Variants in WDR1 observed in about 807,000 individuals in gnomAD.
WDR1 encodes WD repeat domain 1.
Under a neutral mutation model 71.9 loss-of-function variants are expected in WDR1, and 21 were observed. That is an observed-to-expected ratio of 0.29 (90% CI 0.21 to 0.42). The LOEUF (loss-of-function observed/expected upper bound fraction) is 0.42, where lower values mean the gene tolerates loss of function less well. WDR1 is among the 10% of genes least tolerant of loss of function. The probability of loss-of-function intolerance (pLI) is 1.00; values close to 1 mark genes in which losing one functional copy is unlikely to be tolerated. For synonymous variants in WDR1, 424 were observed against 347.4 expected (o/e 1.22, Z -2.45); for missense variants, 696 against 824.5 (o/e 0.84, Z 1.91).
intron 1 of WDR1, 69 bp from the exon 2 acceptor site, chr4:10,116,303 G>T (rs1713723054): frequency 6.2e-7 from 1 of 1,604,964 alleles, no homozygotes; most frequent in East Asian, 2.2e-5. Context: ...AAGGGAGAAG[G>T]AGCCCCGGAC....
At chr4:10,115,626 G>C (rs1046258117) in intron 2 of WDR1, 4 of 153,064 alleles carry the variant, frequency 2.6e-5, no homozygotes, top group African/African-American at 9.6e-5. Context: ...TGCCCAGCCA[G>C]CAGGCGAAGC....
intron 4 of WDR1, 108 bp downstream of exon 4, chr4:10,098,884 C>T (rs905618086): frequency 1.9e-5 from 29 of 1,509,188 alleles, no homozygotes; most frequent in African/African-American, 5.5e-5. Flanking sequence ...TCAACCCTCA[C>T]GAGTGCAAGT....
chr4:10,098,008 C>T, intron 4 of WDR1, 117 bp from the exon 5 acceptor site: 1 of 1,082,076 alleles, frequency 9.2e-7, no homozygotes, highest in East Asian at 2.7e-5. Context: ...TGACTGTCAG[C>T]AGGCAGCTCA....
chr4:10,087,045 T>C (rs988749431), intron 8 of WDR1, among the ~76,000 whole-genome samples: 15 of 152,150 alleles, frequency 9.9e-5, no homozygotes, highest in East Asian at 3.9e-4. Flanking sequence ...CAGGGAGCCT[T>C]TGGCTCAAGT....
chr4:10,100,637 G>C (rs913023480), intron 3 of WDR1, among the ~76,000 whole-genome samples: 1 of 152,198 alleles, frequency 6.6e-6, no homozygotes, highest in Non-Finnish European at 1.5e-5. Context: ...CACTAACTAA[G>C]GGGAGTCCCA....
At chr4:10,084,947 G>A (rs1268434248) in intron 8 of WDR1, among the ~76,000 whole-genome samples, 1 of 152,232 alleles carries the variant, frequency 6.6e-6, no homozygotes, top group African/African-American at 2.4e-5. Flanking sequence ...ATTCGCTTCA[G>A]GCCCTGGTTT....
chr4:10,079,258 G>C (rs1764920844), intron 11 of WDR1, among the ~76,000 whole-genome samples: 1 of 152,212 alleles, frequency 6.6e-6, no homozygotes, highest in Non-Finnish European at 1.5e-5. Flanking sequence ...TTACTTCCAA[G>C]GCAGTCACCA....
At position 10,092,920 on chromosome 4, in the gene WDR1, G is replaced by A. The variant is rs977368442; in HGVS notation, c.559-4179C>T. 3.2e-5 allele frequency: 17 copies of A among 536,762 alleles called. 1 individual carries two copies. The highest frequency in any genetic ancestry group is 2.1e-4 in the East Asian group (3 of 14,460). The allele number at this position is 536,762 out of a possible 1,614,324, so 33.2% of individuals were successfully genotyped here. On this transcript the variant is annotated intron_variant, in intron 5 of 14. Transcript: ENST00000499869. ...GCCTCATCCCTGGTGGACAACTGAC[G>A]GTGTCCGGTCCACACTCCTGCCTGT...
At chr4:10,113,437 T>C (rs1409136153) in intron 2 of WDR1, among the ~76,000 whole-genome samples, 1 of 152,106 alleles carries the variant, frequency 6.6e-6, no homozygotes, top group Non-Finnish European at 1.5e-5. Flanking sequence ...GCAAAGGCAA[T>C]AACTAGCAGG....
intron 2 of WDR1, among the ~76,000 whole-genome samples, chr4:10,104,341 C>G (rs918061899): frequency 6.6e-6 from 1 of 152,152 alleles, no homozygotes; most frequent in Non-Finnish European, 1.5e-5. Flanking sequence ...CTAATCCCTC[C>G]CATTTGTGGG....
intron 2 of WDR1, among the ~76,000 whole-genome samples, chr4:10,107,164 G>A (rs540205306): frequency 3.2e-4 from 48 of 152,232 alleles, no homozygotes; most frequent in African/African-American, 9.6e-4. Context: ...AGACCACCAT[G>A]AGCAGCCTTG....
chr4:10,104,196 C>T (rs867933629), intron 2 of WDR1, among the ~76,000 whole-genome samples: 2 of 152,194 alleles, frequency 1.3e-5, no homozygotes, highest in African/African-American at 4.8e-5. Flanking sequence ...TACTTTAATT[C>T]GTTCTCCTTA....
intron 9 of WDR1, among the ~76,000 whole-genome samples, chr4:10,084,127 A>C (rs1560530869): frequency 6.6e-6 from 1 of 152,226 alleles, no homozygotes; most frequent in Non-Finnish European, 1.5e-5. Flanking sequence ...CCATTGGCAG[A>C]GGTAGTGGCA....
chr4:10,078,571 C>T (rs1764886749), intron 12 of WDR1: 1 of 252,718 alleles, frequency 4.0e-6, no homozygotes, highest in Non-Finnish European at 7.6e-6. Flanking sequence ...CGCTCCCCTC[C>T]TGCCGCCACT....
intron 10 of WDR1, among the ~76,000 whole-genome samples, chr4:10,081,667 G>GC (rs1175450773): frequency 7.3e-6 from 1 of 136,460 alleles, no homozygotes; most frequent in African/African-American, 2.7e-5. Context: ...GAGGGGTGGG[G>GC]GGGGGGGAAG....
chr4:10,078,007 C>T lies in WDR1; in HGVS notation c.1396-81G>A, dbSNP rs927863910. The T allele has an allele frequency of 6.2e-6, 9 of 1,442,778 alleles. No individual in the cohort carries two copies. In the African/African-American group the frequency reaches 1.3e-4, roughly 21 times the overall value. 89.4% of individuals were successfully genotyped at this position (1,442,778 alleles called of 1,614,324 possible). The stretch of plus-strand genomic sequence containing the variant: ...TCCTTTGTGAAGGGGGGGTCGAGGG[C>T]TTAAGAAACTGTGCCGTTCCCACTG... On this transcript the variant is annotated intron_variant, in intron 12 of 14. Transcript: ENST00000499869.
chr4:10,112,952 T>C (rs201807318), intron 2 of WDR1, among the ~76,000 whole-genome samples: 3 of 152,276 alleles, frequency 2.0e-5, no homozygotes, highest in East Asian at 3.9e-4. Flanking sequence ...GCCTGCTGCT[T>C]GTTAGCTTGC....
chr4:10,079,757 C>T (rs1356223973), intron 11 of WDR1, among the ~76,000 whole-genome samples: 1 of 152,192 alleles, frequency 6.6e-6, no homozygotes, highest in South Asian at 2.1e-4. Flanking sequence ...TCTGTTTCTG[C>T]GTGGATTGTG....
At position 10,081,379 on chromosome 4, in the gene WDR1, G is replaced by A. The variant is rs773631113; in HGVS notation, c.1262C>T (p.Ala421Val). The A allele has an allele frequency of 1.9e-6, 3 of 1,613,908 alleles. No individual in the cohort carries two copies. The highest frequency in any genetic ancestry group is 2.5e-6 in the Non-Finnish European group (3 of 1,179,880). The part of the protein sequence containing the change: ...KCVAVGPGGY[A>V]VVVCIGQIVL... ...TACCTGTCCAATGCACACGACCACG[G>A]CGTATCCCCCGGGGCCGACGGCTAC... The change falls in exon 11 of 15, where the codon GCC becomes GTC. Residue 421 changes from alanine (A) to valine (V), a missense_variant. Transcript: ENST00000499869.
Sources: gnomAD v4.1 joint callset for allele counts (sites outside exome capture counted in the v4.1 genomes callset) on GRCh38, gnomAD v4.1.1 for gene constraint, MANE v1.5 for transcripts, NCBI Gene and HGNC (gene_info 2026-07-23, HGNC 2026-07-21) for gene names.